The following B4GALNT4 variants were observed in gnomAD, a reference collection of about 807,000 sequenced individuals.
B4GALNT4 encodes N-acetyl-beta-glucosaminyl-glycoprotein 4-beta-N-acetylgalactosaminyltransferase 1.
B4GALNT4 carries 77 observed loss-of-function variants against 110.0 expected under a neutral mutation model. The ratio of observed to expected loss-of-function variants is 0.70; its 90% CI spans 0.58 to 0.85. The LOEUF (loss-of-function observed/expected upper bound fraction) is 0.85. Ranked by LOEUF, B4GALNT4 falls within the 40% of genes least tolerant of loss-of-function variation. The pLI, the probability that B4GALNT4 is intolerant of heterozygous loss-of-function variation, is 0.00. For missense variants in B4GALNT4, 1,575 were observed against 1,506.0 expected (o/e 1.05, Z -0.76); for synonymous variants, 785 against 655.5 (o/e 1.20, Z -3.02).
intron 2 of B4GALNT4, 135 bp downstream of exon 2, chr11:372,347 G>A: frequency 1.2e-6 from 1 of 810,422 alleles, no homozygotes; most frequent in Non-Finnish European, 2.0e-6. Flanking sequence ...GTGGGGCACG[G>A]CACAGCTTGT....
chr11:370,259 C>T (rs1846593872), intron 1 of B4GALNT4, among the ~76,000 whole-genome samples: 1 of 152,056 alleles, frequency 6.6e-6, no homozygotes, highest in Admixed American at 6.5e-5. Flanking sequence ...GGCTTGGATC[C>T]GGTAGTGAGG....
rs2133579629 is a variant in B4GALNT4, at chr11:379,583, C to T, written c.2370C>T (p.Asp790=). 3 of 1,583,396 alleles carry T rather than the reference C, an allele frequency of 1.9e-6. No homozygotes were observed. The highest frequency in any genetic ancestry group is 2.6e-6 in the Non-Finnish European group (3 of 1,166,424). Residue 790 remains aspartate, a synonymous_variant, in exon 15 of 20, where the codon GAC becomes GAT. Transcript: ENST00000329962. ...RLPGARVGDA[D]GESPEPAPAA... ...CGGGAGCCCGCGTAGGGGATGCAGA[C>T]GGAGAAAGTCCCGAACCCGCTCCCG...
chr11:375,919 A>T lies in B4GALNT4; in HGVS notation c.1058A>T (p.Lys353Met), dbSNP rs756117922. The change falls in exon 11 of 20, where the codon AAG becomes ATG. Residue 353 changes from lysine to methionine, a missense_variant. Coordinates refer to ENST00000329962, the MANE Select transcript of B4GALNT4 (RefSeq NM_178537.5). ...GCCTACGCCCCCACCTACGTGGTCA[A>T]GGACTTCCCGATCGCCAGATACCAG... ...PCAYAPTYVVKDFPIARYQGL... is the reference protein window; with the variant it reads ...PCAYAPTYVVMDFPIARYQGL... The T allele has an allele frequency of 1.2e-5, 19 of 1,611,910 alleles. No homozygotes were observed. The highest frequency in any genetic ancestry group is 1.5e-5 in the Non-Finnish European group (18 of 1,179,584).
chr11:369,861 C>T lies in B4GALNT4; in HGVS notation c.58C>T (p.Leu20=). Reference sequence around the variant, plus strand: ...GCAGATGAAGCTGCTGCTGCTGCTGCTGCTGCTGAGCTGCGCCGCGTGGCT... The same window carrying T: ...GCAGATGAAGCTGCTGCTGCTGCTGTTGCTGCTGAGCTGCGCCGCGTGGCT... ...RKQMKLLLLL[L]LLSCAAWLTY... Residue 20 remains leucine, a synonymous_variant, in exon 1 of 20, where the codon CTG becomes TTG. Coordinates refer to ENST00000329962, the MANE Select transcript of B4GALNT4 (RefSeq NM_178537.5). 1 of 996,326 alleles carries T rather than the reference C, an allele frequency of 1.0e-6. No individual in the cohort carries two copies. Among genetic ancestry groups the T allele is most frequent in the South Asian group, 4.4e-5 (1 of 22,514 alleles). The allele number at this position is 996,326 out of a possible 1,614,324, so 61.7% of individuals were successfully genotyped here.
chr11:380,000 C>A lies in B4GALNT4; in HGVS notation c.2623C>A (p.Arg875Ser). The change falls in exon 16 of 20, where the codon CGC (arginine) becomes AGC (serine). Residue 875 changes from arginine (R) to serine (S), a missense_variant. Physicochemically the swap from Arg to Ser is moderately radical, Grantham distance 110. Coordinates refer to ENST00000329962, the MANE Select transcript of B4GALNT4 (RefSeq NM_178537.5). ...SEDMDVERAL[R>S]AARLPRYQYL... ...GGATATGGACGTGGAGCGGGCCCTG[C>A]GCGCCGCGCGCCTGCCCCGGTAACG... 6.2e-7 allele frequency: 1 copy of A among 1,612,578 alleles called. No individual in the cohort carries two copies. Among genetic ancestry groups the A allele is most frequent in the Non-Finnish European group, 8.5e-7 (1 of 1,179,526 alleles).
rs952346192 is a variant in B4GALNT4 at position 377,114 on chromosome 11, G to A, written c.1991G>A (p.Ser664Asn). 7 of 1,490,078 alleles carry A rather than the reference G, an allele frequency of 4.7e-6. No individual in the cohort carries two copies. Among genetic ancestry groups the A allele is most frequent in the Non-Finnish European group, 5.4e-6 (6 of 1,120,772 alleles). The allele number at this position is 1,490,078 out of a possible 1,614,324, so 92.3% of individuals were successfully genotyped here. ...GGCGACGAGGCCGCGTCGGAGGACA[G>A]CGAGGAGGCCGCGGGCCCGGCGCTC... ...APGDEAASED[S>N]EEAAGPALGR... The change falls in exon 14 of 20, where the codon AGC (serine) becomes AAC (asparagine). Residue 664 changes from serine to asparagine, a missense_variant. By Grantham distance (46) the Ser-to-Asn change is conservative. Coordinates refer to ENST00000329962, the MANE Select transcript of B4GALNT4 (RefSeq NM_178537.5).
At chr11:381,187 C>G (rs1449713199) in intron 19 of B4GALNT4, 1 of 973,616 alleles carries the variant, frequency 1.0e-6, no homozygotes, top group Non-Finnish European at 1.2e-6. Flanking sequence ...CCAGCTCTGC[C>G]CCCGATCCCA....
chr11:374,507 G>A (rs1846685376), intron 8 of B4GALNT4, among the ~76,000 whole-genome samples: 2 of 145,924 alleles, frequency 1.4e-5, no homozygotes, highest in African/African-American at 5.1e-5. Context: ...AGGGGTTTGG[G>A]GTGGTCTGTG....
chr11:378,385 C>T (rs756361962), intron 14 of B4GALNT4, among the ~76,000 whole-genome samples: 4 of 152,192 alleles, frequency 2.6e-5, no homozygotes, highest in Non-Finnish European at 5.9e-5. Context: ...CTCTAAGCTT[C>T]CTGAGAGCAG....
chr11:373,023 C>T lies in B4GALNT4; in HGVS notation c.445-3C>T, dbSNP rs375912143. 2.0e-5 allele frequency: 33 copies of T among 1,612,384 alleles called. No individual in the cohort carries two copies. In the South Asian group the frequency reaches 3.0e-4, roughly 14 times the overall value. ...TCGACAGCAACAGTCACTGCCCCCC[C>T]AGACGCGCACCACCGTGAAGAAGTT... On this transcript the variant is annotated splice_polypyrimidine_tract_variant and splice_region_variant and intron_variant, in intron 4 of 19. Transcript: ENST00000329962.
Position 381,892 on chromosome 11 carries a change from G to A in B4GALNT4, c.*100G>A, listed in dbSNP as rs950921801. On this transcript the variant is annotated 3_prime_UTR_variant, in exon 20 of 20. Coordinates refer to ENST00000329962, the MANE Select transcript of B4GALNT4 (RefSeq NM_178537.5). ...GAGAGACCCGGCAGGGCTGGTCAGAGGGGCACAGCCACCGCCTGTGCCTGC... is the reference window on the plus strand; with the variant it reads ...GAGAGACCCGGCAGGGCTGGTCAGAAGGGCACAGCCACCGCCTGTGCCTGC... 2.2e-5 allele frequency: 30 copies of A among 1,350,280 alleles called. No homozygotes were observed. The highest frequency in any genetic ancestry group is 3.7e-5 in the Admixed American group (1 of 27,394). 83.6% of individuals were successfully genotyped at this position (1,350,280 alleles called of 1,614,324 possible).
chr11:374,582 G>A (rs961729156), intron 8 of B4GALNT4, among the ~76,000 whole-genome samples: 2 of 133,792 alleles, frequency 1.5e-5, no homozygotes, highest in African/African-American at 2.9e-5. Context: ...AACTTGGTGG[G>A]GGTAGAGTGG....
Position 371,621 on chromosome 11 carries a change from A to G in B4GALNT4, c.152-488A>G, listed in dbSNP as rs546253588. Among the ~76,000 whole-genome samples the G allele has an allele frequency of 5.8e-4, 89 of 152,352 alleles. 1 individual carries two copies. The highest frequency in any genetic ancestry group is 2.1e-3 in the African/African-American group (89 of 41,592). On this transcript the variant is annotated intron_variant, in intron 1 of 19. Transcript: ENST00000329962. Reference sequence around the variant, plus strand: ...CCTCAGTCCAGACTTTGAGAGCTCAAATCCTTCAGGAGAGACTACAGTCCC... The same window carrying G: ...CCTCAGTCCAGACTTTGAGAGCTCAGATCCTTCAGGAGAGACTACAGTCCC...
Position 376,920 on chromosome 11 carries a change from C to G in B4GALNT4, c.1797C>G (p.Gly599=). ...PPARAQATQG[G]REGQARTLGP... The stretch of plus-strand genomic sequence containing the variant: ...CCCGGGCGCAGGCCACCCAAGGGGG[C>G]CGGGAGGGCCAGGCGCGCACGCTGG... Residue 599 remains glycine (G), a synonymous_variant, in exon 14 of 20, where the codon GGC becomes GGG. Coordinates refer to ENST00000329962, the MANE Select transcript of B4GALNT4 (RefSeq NM_178537.5). The G allele has an allele frequency of 7.2e-7, 1 of 1,390,306 alleles. No homozygotes were observed. Among genetic ancestry groups the G allele is most frequent in the South Asian group, 1.6e-5 (1 of 60,742 alleles). 86.1% of individuals were successfully genotyped at this position (1,390,306 alleles called of 1,614,324 possible). A position where few individuals can be genotyped will look rare whatever the true frequency, so the allele number is the denominator to read the frequency against.
Position 378,958 on chromosome 11 carries a change from G to A in B4GALNT4, c.2205-460G>A, listed in dbSNP as rs199533714. Among the ~76,000 whole-genome samples the A allele has an allele frequency of 5.3e-5, 8 of 152,262 alleles. No individual in the cohort carries two copies. In the East Asian group the frequency reaches 1.5e-3, roughly 29 times the overall value. ...CTCAGGACAAAGGAGAGGAGACAGTGGCTGTGCCTGAGGAGGAGTCTGCTA... is the reference window on the plus strand; with the variant it reads ...CTCAGGACAAAGGAGAGGAGACAGTAGCTGTGCCTGAGGAGGAGTCTGCTA... On this transcript the variant is annotated intron_variant, in intron 14 of 19. Coordinates refer to ENST00000329962, the MANE Select transcript of B4GALNT4 (RefSeq NM_178537.5).
In B4GALNT4 at chr11:376,779, C is replaced by T. The variant is rs560338765; in HGVS notation, c.1656C>T (p.Gly552=). The T allele has an allele frequency of 1.3e-4, 182 of 1,386,194 alleles. 2 individuals are homozygous for T. The South Asian group carries it at 1.6e-3, about 12-fold the overall frequency. The allele number at this position is 1,386,194 out of a possible 1,614,324, so 85.9% of individuals were successfully genotyped here. ...APRAPWPPFP[G]VFLHPRPLPR... ...GTGCGCCCTGGCCGCCCTTCCCTGG[C>T]GTCTTCCTGCACCCCAGGCCTCTGC... Residue 552 remains glycine (G), a synonymous_variant, in exon 14 of 20, where the codon GGC becomes GGT. Coordinates refer to ENST00000329962, the MANE Select transcript of B4GALNT4 (RefSeq NM_178537.5).
intron 14 of B4GALNT4, among the ~76,000 whole-genome samples, chr11:378,447 A>G (rs912359683): frequency 7.9e-5 from 12 of 152,150 alleles, no homozygotes; most frequent in Admixed American, 2.0e-4. Flanking sequence ...GGCCCCACCA[A>G]TGCCCACCTG....
rs1249946321 is a variant in B4GALNT4 at position 380,286 on chromosome 11, C to A, written c.2716-6C>A. On this transcript the variant is annotated splice_region_variant and splice_polypyrimidine_tract_variant and intron_variant, in intron 17 of 19. Transcript: ENST00000329962. ...GGGCGGGGCTCAGACCTCCCGCACCCCCCAGGACGCCAGCAGCATCGTGTT... is the reference window on the plus strand; with the variant it reads ...GGGCGGGGCTCAGACCTCCCGCACCACCCAGGACGCCAGCAGCATCGTGTT... 6.2e-7 allele frequency: 1 copy of A among 1,612,832 alleles called. No individual in the cohort carries two copies. The highest frequency in any genetic ancestry group is 1.1e-5 in the South Asian group (1 of 91,050).
Position 380,209 on chromosome 11 carries a change from G to A in B4GALNT4, c.2715+7G>A. The A allele has an allele frequency of 6.2e-7, 1 of 1,603,268 alleles. No individual in the cohort carries two copies. Among genetic ancestry groups the A allele is most frequent in the South Asian group, 1.1e-5 (1 of 90,304 alleles). The stretch of plus-strand genomic sequence containing the variant: ...GGGAGTGGACGCGGTAGAGGTCCGA[G>A]GGCCCCATGGGGGTCGGGGAGCAAA... On this transcript the variant is annotated splice_region_variant and intron_variant, in intron 17 of 19. Coordinates refer to ENST00000329962, the MANE Select transcript of B4GALNT4 (RefSeq NM_178537.5).
Sources: allele counts gnomAD v4.1 joint callset (sites outside exome capture counted in the v4.1 genomes callset), GRCh38; gene constraint gnomAD v4.1.1; transcripts MANE v1.5; gene names NCBI Gene and HGNC (gene_info 2026-07-23, HGNC 2026-07-21).